ANLN: variants seen among roughly 807,000 people sequenced by gnomAD.
ANLN encodes the protein anillin.
In ANLN, 59 loss-of-function variants were observed where a neutral mutation model predicts 135.1. The observed-to-expected ratio is 0.44, with a 90% CI of 0.35 to 0.54. The LOEUF is 0.54. ANLN is among the 20% of genes least tolerant of loss of function. ANLN has a pLI of 0.00. For synonymous variants in ANLN, 406 were observed against 456.4 expected, an observed-to-expected ratio of 0.89 and a Z score of 1.41; for missense variants, 1,182 against 1,340.0, an observed-to-expected ratio of 0.88 and a Z score of 1.84.
In ANLN at chr7:36,426,998, A is replaced by G. The variant is rs754771090; in HGVS notation, c.2853A>G (p.Ser951=). ...GATCTTACACATTATCATTGTCTTC[A>G]GTAGGAAATACTAAGTTTGTTCTGG... The part of the protein sequence containing the change: ...LVGSYTLSLS[S]VGNTKFVLDK... Residue 951 remains serine, a synonymous_variant, in exon 20 of 24, where the codon TCA becomes TCG. Coordinates refer to ENST00000265748, the MANE Select transcript of ANLN (RefSeq NM_018685.5). The G allele has an allele frequency of 7.4e-6, 12 of 1,612,336 alleles. No homozygotes were observed. The African/African-American group carries it at 1.2e-4, about 16-fold the overall frequency.
intron 5 of ANLN, among the ~76,000 whole-genome samples, chr7:36,410,278 A>AT (rs1156333771): frequency 2.6e-5 from 4 of 151,690 alleles, no homozygotes; most frequent in Non-Finnish European, 4.4e-5. Context: ...ACCTTTTCAA[A>AT]ATTTTTTTTT....
At chr7:36,417,314 G>T (rs1312333778) in intron 9 of ANLN, 124 bp downstream of exon 9, 1 of 602,116 alleles carries the variant, frequency 1.7e-6, no homozygotes, top group Non-Finnish European at 2.9e-6. Context: ...ATACACTGTA[G>T]CTTCTACCAA....
intron 2 of ANLN, among the ~76,000 whole-genome samples, chr7:36,398,436 G>A (rs1786798687): frequency 6.6e-6 from 1 of 152,090 alleles, no homozygotes; most frequent in Non-Finnish European, 1.5e-5. Context: ...ACTTTAGGCG[G>A]GCAACTGAAT....
intron 20 of ANLN, among the ~76,000 whole-genome samples, chr7:36,436,262 G>A (rs540829462): frequency 3.3e-5 from 5 of 152,024 alleles, no homozygotes; most frequent in East Asian, 1.9e-4. Flanking sequence ...GTAATGTTTC[G>A]GAAGTACATC....
In ANLN at chr7:36,396,374, C is replaced by T. The variant is rs745699628; in HGVS notation, c.127C>T (p.Pro43Ser). The change falls in exon 2 of 24, where the codon CCA becomes TCA. Residue 43 changes from proline (P) to serine (S), a missense_variant. By Grantham distance (74) the Pro-to-Ser change is moderately conservative (BLOSUM62 -1). This residue lies in a region of ANLN where 1,022 missense variants were observed against 1,134.0 expected (regional missense o/e 0.90). Transcript: ENST00000265748. The part of the protein sequence containing the change: ...SMTHAKRARQ[P>S]LSEASNQQPL... ...GACTCATGCTAAGCGAGCTAGACAG[C>T]CACTTTCAGAAGCAAGTAACCAGCA... 81 of 1,600,740 alleles carry T rather than the reference C, an allele frequency of 5.1e-5. No individual in the cohort carries two copies. Among genetic ancestry groups the T allele is most frequent in the Non-Finnish European group, 6.8e-5 (79 of 1,169,888 alleles).
At position 36,439,331 on chromosome 7, in the gene ANLN, T is replaced by G. The variant is rs191878325; in HGVS notation, c.2970+41T>G. 2.1e-4 allele frequency: 235 copies of G among 1,129,618 alleles called. No individual in the cohort carries two copies. In the East Asian group the frequency reaches 4.5e-3, roughly 22 times the overall value. 70.0% of individuals were successfully genotyped at this position (1,129,618 alleles called of 1,614,324 possible). ...TAGTCTTTAACTTCCTTTTTTCCAT[T>G]TTGTGAAATACAGACTTGTTTCCCA... On this transcript the variant is annotated intron_variant, in intron 21 of 23. Transcript: ENST00000265748.
chr7:36,432,054 A>G (rs1172329489), intron 20 of ANLN, among the ~76,000 whole-genome samples: 1 of 152,000 alleles, frequency 6.6e-6, no homozygotes, highest in African/African-American at 2.4e-5. Context: ...GTTTTTTTTC[A>G]TCAAAGAATA....
intron 13 of ANLN, among the ~76,000 whole-genome samples, 165 bp from the exon 14 acceptor site, chr7:36,422,468 C>G (rs1038610350): frequency 6.6e-6 from 1 of 152,150 alleles, no homozygotes; most frequent in Non-Finnish European, 1.5e-5. Flanking sequence ...GGTAAATGAG[C>G]AACCAAGGTT....
At chr7:36,443,955 CA>C in intron 22 of ANLN, 93 bp downstream of exon 22, 3 of 823,304 alleles carry the variant, frequency 3.6e-6, no homozygotes, top group Non-Finnish European at 5.7e-6. Context: ...ATCACTCACC[CA>C]AATTAATAAC....
intron 22 of ANLN, 69 bp downstream of exon 22, chr7:36,443,931 T>A: frequency 9.3e-7 from 1 of 1,073,180 alleles, no homozygotes; most frequent in Non-Finnish European, 1.4e-6. Context: ...ATGCAAATGT[T>A]CCCTCTGGCC....
At chr7:36,406,684 A>C in intron 4 of ANLN, 118 bp downstream of exon 4, 2 of 983,358 alleles carry the variant, frequency 2.0e-6, no homozygotes, top group Non-Finnish European at 2.8e-6. Context: ...ATAGATGCAT[A>C]GTGAGTTTAT....
At chr7:36,395,216 A>G (rs964491885) in intron 1 of ANLN, among the ~76,000 whole-genome samples, 1 of 152,216 alleles carries the variant, frequency 6.6e-6, no homozygotes, top group African/African-American at 2.4e-5. Flanking sequence ...TCACTCTGAA[A>G]TCTGAAATGG....
Position 36,441,283 on chromosome 7 carries a change from C to T in ANLN, c.2970+1993C>T, listed in dbSNP as rs997606835. Among the ~76,000 whole-genome samples the T allele has an allele frequency of 2.0e-5, 3 of 152,316 alleles. No homozygotes were observed. In the East Asian group the frequency reaches 5.8e-4, roughly 29 times the overall value. On this transcript the variant is annotated intron_variant, in intron 21 of 23. Coordinates refer to ENST00000265748, the MANE Select transcript of ANLN (RefSeq NM_018685.5). ...GGCTCTTAACGAGCTTGTTAGATCT[C>T]TTCAAGTTTACTCTGTCTTGAATCC... is the stretch of plus-strand genomic sequence containing the variant.
In ANLN at chr7:36,449,811, A is replaced by G. The variant is rs1209603650; in HGVS notation, c.3225A>G (p.Gln1075=). The G allele has an allele frequency of 1.2e-6, 2 of 1,613,914 alleles. No homozygotes were observed. The highest frequency in any genetic ancestry group is 2.2e-5 in the East Asian group (1 of 44,886). The change falls in exon 23 of 24, where the codon CAA becomes CAG. Residue 1075 remains glutamine (Q), a synonymous_variant. Coordinates refer to ENST00000265748, the MANE Select transcript of ANLN (RefSeq NM_018685.5). ...REDDRETLVS[Q]CRDTLCVTKN... is the part of the protein sequence containing the mutation. ...ATGACCGAGAGACTCTTGTCAGCCA[A>G]TGCAGGGACACACTCTGTGTTACCA...
chr7:36,399,439 G>T, intron 3 of ANLN, 46 bp downstream of exon 3: 1 of 1,462,666 alleles, frequency 6.8e-7, no homozygotes, highest in South Asian at 1.4e-5. Flanking sequence ...GTTCCAATAA[G>T]ATTCAGTTTG....
intron 7 of ANLN, among the ~76,000 whole-genome samples, chr7:36,414,251 G>A (rs1409278211): frequency 6.6e-6 from 1 of 152,168 alleles, no homozygotes; most frequent in Non-Finnish European, 1.5e-5. Flanking sequence ...CCTAATGGAG[G>A]TGATAAAGGA....
At chr7:36,392,678 TTTTAA>T (rs1443646139) in intron 1 of ANLN, among the ~76,000 whole-genome samples, 7 of 152,180 alleles carry the variant, frequency 4.6e-5, no homozygotes, top group South Asian at 2.1e-4. Flanking sequence ...ATATAATTTC[TTTTAA>T]TTTAATAACC....
intron 7 of ANLN, among the ~76,000 whole-genome samples, chr7:36,413,432 G>A (rs770711932): frequency 3.9e-5 from 6 of 152,288 alleles, no homozygotes; most frequent in Non-Finnish European, 7.4e-5. Context: ...TCACTCTTCT[G>A]TTGGGAGCGC....
rs1206448456 is a variant in ANLN, at chr7:36,424,728, AC to A, written c.2696del (p.Thr899AsnfsTer16). On this transcript the variant is annotated frameshift_variant, in exon 17 of 24. Transcript: ENST00000265748. LOFTEE classifies it high-confidence loss of function. ...CTCAGGCCTTGATAAGAAGAAAAAA[AC>A]ATCCAAGTCCAAGGTGAGAATTAAA... The part of the protein sequence containing the change: ...DPSGLDKKKK[T>X]SKSKAITPKR... The A allele has an allele frequency of 1.2e-6, 2 of 1,612,454 alleles. No homozygotes were observed.
Sources: gnomAD v4.1 joint callset for allele counts (sites outside exome capture counted in the v4.1 genomes callset) on GRCh38, gnomAD v4.1.1 for gene constraint, gnomAD v4.1.1 regional missense constraint, MANE v1.5 for transcripts, NCBI Gene and HGNC (gene_info 2026-07-23, HGNC 2026-07-21) for gene names.